The following STK32C variants were observed in gnomAD, a reference collection of about 807,000 sequenced individuals.
The protein encoded by STK32C is serine/threonine kinase 32C.
Under a neutral mutation model 56.5 loss-of-function variants are expected in STK32C, and 31 were observed. The ratio of observed to expected loss-of-function variants is 0.55; its 90% CI spans 0.41 to 0.74. STK32C has a LOEUF of 0.74. Ranked by LOEUF, STK32C falls within the 30% of genes least tolerant of loss-of-function variation. STK32C has a pLI of 0.00. For synonymous variants in STK32C, 309 were observed against 289.4 expected, an observed-to-expected ratio of 1.07 and a Z score of -0.69; for missense variants, 544 against 676.9, an observed-to-expected ratio of 0.80 and a Z score of 2.18.
downstream of STK32C, among the ~76,000 whole-genome samples, chr10:132,322,793 C>T (rs1206355009): frequency 4.6e-5 from 7 of 152,244 alleles, no homozygotes; most frequent in East Asian, 1.9e-4. Context: ...TCTGTACTTT[C>T]TCCAGTGTCC....
intron 1 of STK32C, among the ~76,000 whole-genome samples, chr10:132,331,149 C>A (rs2066699733): frequency 7.2e-6 from 1 of 138,628 alleles, no homozygotes; most frequent in Non-Finnish European, 1.5e-5. Context: ...CGCAGTGGGC[C>A]GAGATCGCGC....
chr10:132,241,767 G>A lies in STK32C; in HGVS notation c.318+4133C>T, dbSNP rs889125305. On this transcript the variant is annotated intron_variant, in intron 2 of 11. Transcript: ENST00000298630. Reference sequence around the variant, plus strand: ...CCAGAGAGAGGCCTGCACCCTCGACGGGCTGTCCACAAGCAGCTCCAGACC... The same window carrying A: ...CCAGAGAGAGGCCTGCACCCTCGACAGGCTGTCCACAAGCAGCTCCAGACC... Among the ~76,000 whole-genome samples, 27 of 152,266 alleles carry A rather than the reference G, an allele frequency of 1.8e-4. 1 individual carries two copies. The highest frequency in any genetic ancestry group is 3.4e-3 in the Middle Eastern group (1 of 294).
At chr10:132,223,026 C>A in intron 8 of STK32C, 40 bp from the exon 9 acceptor site, 1 of 1,533,886 alleles carries the variant, frequency 6.5e-7, no homozygotes. Context: ...GGGCCCACAG[C>A]CCACCAGCAC....
chr10:132,233,878 C>T (rs1368339830), intron 2 of STK32C, among the ~76,000 whole-genome samples: 1 of 152,232 alleles, frequency 6.6e-6, no homozygotes, highest in Non-Finnish European at 1.5e-5. Context: ...CCTTCGGCAA[C>T]AGCTGCCTCC....
At position 132,250,057 on chromosome 10, in the gene STK32C, A is replaced by G. The variant is rs147376854; in HGVS notation, c.263-4102T>C. Among the ~76,000 whole-genome samples the G allele has an allele frequency of 5.8e-3, 886 of 152,356 alleles. 13 individuals carry two copies. Among genetic ancestry groups the G allele is most frequent in the South Asian group, 0.041 (200 of 4,828 alleles). ...CCTGGTGTCCCAAGAGTGGTCCTGCAACCACCACAGTCACCAGGAGCCGGT... is the reference window on the plus strand; with the variant it reads ...CCTGGTGTCCCAAGAGTGGTCCTGCGACCACCACAGTCACCAGGAGCCGGT... On this transcript the variant is annotated intron_variant, in intron 1 of 11. Transcript: ENST00000298630.
At chr10:132,265,226 G>C (rs2064472738) in intron 1 of STK32C, among the ~76,000 whole-genome samples, 2 of 144,246 alleles carry the variant, frequency 1.4e-5, no homozygotes, top group Non-Finnish European at 3.0e-5. Context: ...GGAGCTGCCA[G>C]GGCAGCGAGG....
At chr10:132,234,117 A>C (rs963636242) in intron 2 of STK32C, among the ~76,000 whole-genome samples, 6 of 152,192 alleles carry the variant, frequency 3.9e-5, no homozygotes, top group Middle Eastern at 3.4e-3. Flanking sequence ...GGACTCTCCC[A>C]CTTGGGGATA....
At chr10:132,266,650 C>T (rs768071794) in intron 1 of STK32C, among the ~76,000 whole-genome samples, 8 of 152,110 alleles carry the variant, frequency 5.3e-5, no homozygotes, top group African/African-American at 9.6e-5. Context: ...AGGACAACCC[C>T]GAGCCCTGGG....
intron 10 of STK32C, among the ~76,000 whole-genome samples, chr10:132,211,695 C>T (rs570852600): frequency 1.3e-5 from 2 of 152,204 alleles, no homozygotes; most frequent in Non-Finnish European, 1.5e-5. Flanking sequence ...TTTGCCAGCA[C>T]ACACACAGTC....
intron 1 of STK32C, among the ~76,000 whole-genome samples, chr10:132,254,196 C>G (rs977412809): frequency 2.6e-5 from 4 of 152,062 alleles, no homozygotes; most frequent in Non-Finnish European, 4.4e-5. Context: ...GTAATCCCAG[C>G]TACTCAGGAG....
Position 132,226,998 on chromosome 10 carries a change from C to T in STK32C, c.471-30G>A, listed in dbSNP as rs375969517. ...GGGCACCGATGGAAGGCCTGTTGTG[C>T]GCACAGCTGGGGAGCCAGTCATGGC... On this transcript the variant is annotated intron_variant, in intron 3 of 11. Coordinates refer to ENST00000298630, the MANE Select transcript of STK32C (RefSeq NM_173575.4). 78 of 1,610,686 alleles carry T rather than the reference C, an allele frequency of 4.8e-5. No individual in the cohort carries two copies. In the Admixed American group the frequency reaches 8.3e-4, roughly 17 times the overall value.
At chr10:132,230,633 G>A (rs2063058503) in intron 2 of STK32C, among the ~76,000 whole-genome samples, 1 of 144,632 alleles carries the variant, frequency 6.9e-6, no homozygotes, top group South Asian at 2.2e-4. Context: ...CCTGGCTTGG[G>A]GCCACTGGCT....
At chr10:132,280,475 T>G (rs531021362) in intron 1 of STK32C, among the ~76,000 whole-genome samples, 1 of 129,690 alleles carries the variant, frequency 7.7e-6, no homozygotes, top group Admixed American at 7.8e-5. Flanking sequence ...GCCCCTGCAC[T>G]CCGTGATCAT....
intron 4 of STK32C, 55 bp downstream of exon 4, chr10:132,226,740 C>G: frequency 6.3e-7 from 1 of 1,586,836 alleles, no homozygotes; most frequent in Non-Finnish European, 8.6e-7. Context: ...TGACCTAAGG[C>G]TGCTTCAGCC....
rs187384089 is a variant in STK32C at position 132,268,709 on chromosome 10, C to T, written c.263-22754G>A. The stretch of plus-strand genomic sequence containing the variant: ...CCTGTCTGTGCGCATGCATGTCTCA[C>T]ATCGTGTGTGTGTGTGTCAGTGTGT... On this transcript the variant is annotated intron_variant, in intron 1 of 11. Transcript: ENST00000298630. Among the ~76,000 whole-genome samples, 338 of 139,400 alleles carry T rather than the reference C, an allele frequency of 2.4e-3. 7 individuals carry two copies. In the East Asian group the frequency reaches 0.037, roughly 15 times the overall value. 91.5% of individuals were successfully genotyped at this position (139,400 alleles called of 152,430 possible). A position where few individuals can be genotyped will look rare whatever the true frequency, so the allele number is the denominator to read the frequency against.
At chr10:132,216,291 CCTT>C (rs1328901769) in intron 10 of STK32C, among the ~76,000 whole-genome samples, 1 of 151,972 alleles carries the variant, frequency 6.6e-6, no homozygotes, top group Non-Finnish European at 1.5e-5. Flanking sequence ...ATGGTGAAAC[CCTT>C]CTCTACTAAA....
intron 8 of STK32C, 28 bp downstream of exon 8, chr10:132,224,379 G>T: frequency 6.6e-7 from 1 of 1,511,162 alleles, no homozygotes; most frequent in Non-Finnish European, 9.0e-7. Context: ...TGCTCGGAGG[G>T]TGAGGAGGCT....
chr10:132,227,049 C>T lies in STK32C; in HGVS notation c.471-81G>A. 7 of 1,500,352 alleles carry T rather than the reference C, an allele frequency of 4.7e-6. No homozygotes were observed. The South Asian group carries it at 6.0e-5, about 13-fold the overall frequency. 92.9% of individuals were successfully genotyped at this position (1,500,352 alleles called of 1,614,324 possible). A position where few individuals can be genotyped will look rare whatever the true frequency, so the allele number is the denominator to read the frequency against. On this transcript the variant is annotated intron_variant, in intron 3 of 11. Transcript: ENST00000298630. ...TGCTCCCACAGCTGACACACTCCCC[C>T]TAAGGACCACAGCCCCACCCCAGCA...
chr10:132,296,137 C>T (rs2138336321), intron 1 of STK32C, among the ~76,000 whole-genome samples: 1 of 150,084 alleles, frequency 6.7e-6, no homozygotes, highest in East Asian at 2.0e-4. Context: ...GGTCTTCCTC[C>T]CAAAGGCCCA....
Sources: allele counts gnomAD v4.1 joint callset (sites outside exome capture counted in the v4.1 genomes callset), GRCh38; gene constraint gnomAD v4.1.1; transcripts MANE v1.5; gene names NCBI Gene and HGNC (gene_info 2026-07-23, HGNC 2026-07-21).